Variants in DLGAP2 observed in about 807,000 individuals in gnomAD.
DLGAP2 encodes DLG associated protein 2, also known as disks large-associated protein 2.
Under a neutral mutation model 100.3 loss-of-function variants are expected in DLGAP2, and 26 were observed. That is an observed-to-expected ratio of 0.26 (90% CI 0.19 to 0.36). The LOEUF (loss-of-function observed/expected upper bound fraction) is 0.36. DLGAP2 is among the 10% of genes least tolerant of loss of function. The pLI, the probability that DLGAP2 is intolerant of heterozygous loss-of-function variation, is 1.00. For missense variants in DLGAP2, 1,858 were observed against 1,453.2 expected, an observed-to-expected ratio of 1.28 and a Z score of -4.53; for synonymous variants, 886 against 630.1, an observed-to-expected ratio of 1.41 and a Z score of -6.08.
At chr8:1,589,650 G>A (rs901567087) in intron 6 of DLGAP2, among the ~76,000 whole-genome samples, 5 of 152,106 alleles carry the variant, frequency 3.3e-5, no homozygotes, top group African/African-American at 7.2e-5. Context: ...GTTTCATCAC[G>A]TAGCCCAGGC....
At chr8:1,320,324 C>G (rs1800865895) in intron 3 of DLGAP2, among the ~76,000 whole-genome samples, 1 of 152,022 alleles carries the variant, frequency 6.6e-6, no homozygotes, top group Non-Finnish European at 1.5e-5. Context: ...TGCCTGGAGT[C>G]CAGGAAAGAG....
intron 2 of DLGAP2, among the ~76,000 whole-genome samples, chr8:1,039,421 G>A (rs1201721628): frequency 6.7e-6 from 1 of 149,336 alleles, no homozygotes; most frequent in Non-Finnish European, 1.5e-5. Flanking sequence ...TGGTCAGCTC[G>A]GTTTCTGTAG....
chr8:1,242,361 C>T (rs1798815633), intron 2 of DLGAP2, among the ~76,000 whole-genome samples: 1 of 152,198 alleles, frequency 6.6e-6, no homozygotes, highest in Admixed American at 6.5e-5. Flanking sequence ...CTGCTCATGG[C>T]TAGAAAGTGC....
chr8:1,088,815 C>G (rs1296521438), intron 2 of DLGAP2, among the ~76,000 whole-genome samples: 2 of 96,906 alleles, frequency 2.1e-5, no homozygotes, highest in African/African-American at 8.1e-5. Flanking sequence ...CTCTCCACCC[C>G]TCATCCAGCA....
chr8:1,257,028 G>A (rs936952748), intron 2 of DLGAP2, among the ~76,000 whole-genome samples: 4 of 152,056 alleles, frequency 2.6e-5, no homozygotes, highest in African/African-American at 2.4e-5. Flanking sequence ...CCTGCCCTGC[G>A]GCCCCGACGT....
At chr8:1,556,265 G>A (rs532788799) in intron 5 of DLGAP2, among the ~76,000 whole-genome samples, 1 of 152,338 alleles carries the variant, frequency 6.6e-6, no homozygotes, top group South Asian at 2.1e-4. Context: ...GTCCGGCTCT[G>A]TCCTCTCCCT....
chr8:1,455,536 C>T (rs766657897), intron 3 of DLGAP2, among the ~76,000 whole-genome samples: 5 of 152,210 alleles, frequency 3.3e-5, no homozygotes, highest in African/African-American at 7.2e-5. Flanking sequence ...GAAGTCAGTC[C>T]GCCTGACACA....
chr8:1,446,523 T>C (rs533596815), intron 3 of DLGAP2, among the ~76,000 whole-genome samples: 75 of 152,232 alleles, frequency 4.9e-4, no homozygotes, highest in Middle Eastern at 3.4e-3. Context: ...AGTCAGGTAG[T>C]GTGATGCCTC....
chr8:1,218,668 A>G (rs548028753), intron 2 of DLGAP2, among the ~76,000 whole-genome samples: 1 of 152,202 alleles, frequency 6.6e-6, no homozygotes, highest in East Asian at 1.9e-4. Context: ...TATATGGAAA[A>G]TCATGTTGGT....
chr8:806,427 G>A (rs372305893), intron 1 of DLGAP2, among the ~76,000 whole-genome samples: 25 of 152,182 alleles, frequency 1.6e-4, no homozygotes, highest in African/African-American at 5.1e-4. Flanking sequence ...TGGTCACCGC[G>A]GCCAGGGGAT....
intron 12 of DLGAP2, among the ~76,000 whole-genome samples, chr8:1,688,047 A>T (rs989733601): frequency 1.3e-5 from 2 of 152,140 alleles, no homozygotes; most frequent in African/African-American, 2.4e-5. Context: ...CACAGGAAGG[A>T]TGAGGAGCTT....
intron 6 of DLGAP2, among the ~76,000 whole-genome samples, chr8:1,579,844 T>C (rs1803152821): frequency 2.0e-5 from 3 of 152,224 alleles, no homozygotes; most frequent in Admixed American, 2.0e-4. Context: ...GTTTGGGTGA[T>C]GTGGGGGCAC....
At chr8:998,443 G>T (rs1249421564) in intron 2 of DLGAP2, among the ~76,000 whole-genome samples, 4 of 152,048 alleles carry the variant, frequency 2.6e-5, no homozygotes, top group Middle Eastern at 6.8e-3. Context: ...TGGGACTACA[G>T]GTGTGAGCCA....
At chr8:1,053,184 C>A (rs554407695) in intron 2 of DLGAP2, among the ~76,000 whole-genome samples, 1 of 152,160 alleles carries the variant, frequency 6.6e-6, no homozygotes, top group Non-Finnish European at 1.5e-5. Flanking sequence ...AATAGAAGCG[C>A]GGATGTGGTG....
intron 2 of DLGAP2, among the ~76,000 whole-genome samples, chr8:977,644 C>G (rs534311477): frequency 2.6e-5 from 4 of 152,288 alleles, no homozygotes; most frequent in Non-Finnish European, 5.9e-5. Flanking sequence ...AACTGTCCTT[C>G]TTTGTGAAAT....
At chr8:1,281,338 G>A (rs1799809771) in intron 3 of DLGAP2, among the ~76,000 whole-genome samples, 1 of 152,208 alleles carries the variant, frequency 6.6e-6, no homozygotes, top group Admixed American at 6.5e-5. Flanking sequence ...TCCCGGCGAA[G>A]GCAGCCTCTT....
In DLGAP2 at chr8:1,412,811, C is replaced by T. The variant is rs74344477; in HGVS notation, c.107-88555C>T. Among the ~76,000 whole-genome samples the T allele has an allele frequency of 3.5e-3, 535 of 152,340 alleles. 10 individuals are homozygous for T. The East Asian group carries it at 0.047, about 13-fold the overall frequency. ...CATACCCTCCCTATTCACAGCCCTC[C>T]CCAGCAGATGGCCTGTGTCTCCAGT... is the stretch of plus-strand genomic sequence containing the variant. On this transcript the variant is annotated intron_variant, in intron 3 of 14. Transcript: ENST00000637795.
intron 6 of DLGAP2, among the ~76,000 whole-genome samples, chr8:1,604,013 G>T (rs1796715690): frequency 6.6e-6 from 1 of 152,112 alleles, no homozygotes. Flanking sequence ...AGTCAAGCCA[G>T]CTGCGGCCAC....
At chr8:904,228 T>C (rs966622404) in intron 1 of DLGAP2, among the ~76,000 whole-genome samples, 1 of 152,162 alleles carries the variant, frequency 6.6e-6, no homozygotes, top group African/African-American at 2.4e-5. Context: ...TTAATTAAAA[T>C]TACATTGCTG....
Sources: gnomAD v4.1 joint callset for allele counts (sites outside exome capture counted in the v4.1 genomes callset) on GRCh38, gnomAD v4.1.1 for gene constraint, MANE v1.5 for transcripts, NCBI Gene and HGNC (gene_info 2026-07-23, HGNC 2026-07-21) for gene names.